The following OR1J2 variants were observed in gnomAD, a reference collection of about 807,000 sequenced individuals.
OR1J2 encodes olfactory receptor 1J2.
For synonymous variants in OR1J2, 142 were observed against 99.7 expected (o/e 1.42, Z -2.52); for missense variants, 304 against 246.1 (o/e 1.24, Z -1.57).
the OR1J2 span, among the ~76,000 whole-genome samples, chr9:122,558,959 G>A: frequency 6.6e-6 from 1 of 151,616 alleles, no homozygotes; most frequent in African/African-American, 2.4e-5. Flanking sequence ...TAAGGTACAG[G>A]GTGATATTTC....
At chr9:122,553,114 G>A in the OR1J2 span, 300,136 of 1,285,868 alleles carry the variant, frequency 0.23, 37,108 homozygotes, top group Middle Eastern at 0.28. Context: ...TCCCAGCACA[G>A]TTCTGGCCAC....
At chr9:122,567,966 TCA>T in the OR1J2 span, 2 of 1,613,024 alleles carry the variant, frequency 1.2e-6, no homozygotes, top group African/African-American at 2.7e-5. Flanking sequence ...AACATTGGAG[TCA>T]CAGAAGGTGA....
the OR1J2 span, among the ~76,000 whole-genome samples, chr9:122,490,597 G>C: frequency 6.6e-6 from 1 of 152,128 alleles, no homozygotes; most frequent in Non-Finnish European, 1.5e-5. Flanking sequence ...CAACAACATA[G>C]AGGCAGAGCA....
chr9:122,484,193 C>T, the OR1J2 span, among the ~76,000 whole-genome samples: 2 of 152,028 alleles, frequency 1.3e-5, no homozygotes, highest in Non-Finnish European at 1.5e-5. Context: ...GACAAAGTCT[C>T]GCTCTGTCGC....
chr9:122,550,842 G>T, the OR1J2 span, among the ~76,000 whole-genome samples: 1 of 150,800 alleles, frequency 6.6e-6, no homozygotes, highest in African/African-American at 2.4e-5. Flanking sequence ...ACTAGAGAAA[G>T]ACGAAGATGA....
chr9:122,563,233 G>A, the OR1J2 span, among the ~76,000 whole-genome samples: 1 of 151,552 alleles, frequency 6.6e-6, no homozygotes, highest in African/African-American at 2.4e-5. Flanking sequence ...GGGATGAGGT[G>A]ATATCTCATT....
chr9:122,514,085 AT>A (rs1215232584), downstream of OR1J2, among the ~76,000 whole-genome samples: 1 of 152,198 alleles, frequency 6.6e-6, no homozygotes, highest in Non-Finnish European at 1.5e-5. Context: ...AATAAATCCC[AT>A]TATGTAAACA....
the OR1J2 span, among the ~76,000 whole-genome samples, chr9:122,480,640 A>C: frequency 1.3e-5 from 2 of 149,000 alleles, no homozygotes; most frequent in Middle Eastern, 3.4e-3. Context: ...TCTTTTTTTT[A>C]TTATTATACT....
At chr9:122,512,451 T>G (rs1329954), downstream of OR1J2, among the ~76,000 whole-genome samples, 2 of 152,234 alleles carry the variant, frequency 1.3e-5, no homozygotes, top group Non-Finnish European at 2.9e-5. Flanking sequence ...AGCTGCCACA[T>G]GCAACAATGC....
At chr9:122,514,308 T>A (rs1288312749), downstream of OR1J2, among the ~76,000 whole-genome samples, 1 of 152,188 alleles carries the variant, frequency 6.6e-6, no homozygotes, top group African/African-American at 2.4e-5. Context: ...CTTCAGTGTC[T>A]ATTGCTCCCA....
the OR1J2 span, among the ~76,000 whole-genome samples, chr9:122,544,983 T>C: frequency 2.0e-5 from 3 of 152,190 alleles, no homozygotes; most frequent in African/African-American, 7.2e-5. Context: ...AAGCAATAAA[T>C]TTCCCTCTAA....
At chr9:122,465,977 A>G in the OR1J2 span, among the ~76,000 whole-genome samples, 1 of 152,202 alleles carries the variant, frequency 6.6e-6, no homozygotes, top group Non-Finnish European at 1.5e-5. Context: ...ACTTTAAGCC[A>G]TTGCCGCAGA....
At chr9:122,519,585 T>G in the OR1J2 span, 1 of 1,614,190 alleles carries the variant, frequency 6.2e-7, no homozygotes, top group Non-Finnish European at 8.5e-7. Flanking sequence ...CACTGTGTCC[T>G]GGATCCTCTC....
the OR1J2 span, among the ~76,000 whole-genome samples, chr9:122,535,901 A>G: frequency 6.6e-6 from 1 of 152,134 alleles, no homozygotes; most frequent in Non-Finnish European, 1.5e-5. Context: ...TAGGTAAAGG[A>G]AAAAGGGGTG....
At chr9:122,567,072 A>T in the OR1J2 span, 1 of 152,352 alleles carries the variant, frequency 6.6e-6, no homozygotes, top group Non-Finnish European at 1.5e-5. Context: ...AAAATAAAAA[A>T]TTATAAAAAT....
chr9:122,491,754 T>C, the OR1J2 span, among the ~76,000 whole-genome samples: 768 of 152,266 alleles, frequency 5.0e-3, 3 homozygotes, highest in Middle Eastern at 0.01. Context: ...GATGGTTAGA[T>C]TGATTCAACA....
At chr9:122,508,249 T>TGCTTGAGC (rs1181238575), upstream of OR1J2, among the ~76,000 whole-genome samples, 1 of 151,860 alleles carries the variant, frequency 6.6e-6, no homozygotes, top group Non-Finnish European at 1.5e-5. Context: ...AAAAGGAAGA[T>TGCTTGAGC]GCTTGAGCCT....
At chr9:122,498,423 A>G in the OR1J2 span, among the ~76,000 whole-genome samples, 2 of 152,154 alleles carry the variant, frequency 1.3e-5, no homozygotes, top group Non-Finnish European at 2.9e-5. Context: ...GGTCCAGTCT[A>G]TTGATGAAGC....
chr9:122,558,311 C>CTTTTTTTTTTTTTTTTTT, the OR1J2 span, among the ~76,000 whole-genome samples: 2 of 34,472 alleles, frequency 5.8e-5, 1 homozygote, highest in African/African-American at 2.5e-4. Flanking sequence ...TTGGATTTTG[C>CTTTTTTTTTTTTTTTTTT]TTTTTTTTTT....
Sources: gnomAD v4.1 joint callset for allele counts (sites outside exome capture counted in the v4.1 genomes callset) on GRCh38, gnomAD v4.1.1 for gene constraint, MANE v1.5 for transcripts, NCBI Gene and HGNC (gene_info 2026-07-23, HGNC 2026-07-21) for gene names.